MARCHF1: variants seen among roughly 807,000 people sequenced by gnomAD.
The protein encoded by MARCHF1 is membrane associated ring-CH-type finger 1.
Under a neutral mutation model 54.2 loss-of-function variants are expected in MARCHF1, and 40 were observed. That is an observed-to-expected ratio of 0.74 (90% CI 0.57 to 0.96). MARCHF1 has a LOEUF of 0.96. Ranked by LOEUF, MARCHF1 falls within the 40% of genes least tolerant of loss-of-function variation. MARCHF1 has a pLI of 0.00. For synonymous variants in MARCHF1, 236 were observed against 236.3 expected, an observed-to-expected ratio of 1.00 and a Z score of 0.01; for missense variants, 586 against 656.5, an observed-to-expected ratio of 0.89 and a Z score of 1.17.
intron 1 of MARCHF1, among the ~76,000 whole-genome samples, chr4:164,371,719 G>A (rs535522230): frequency 3.1e-4 from 47 of 152,230 alleles, no homozygotes; most frequent in Non-Finnish European, 5.6e-4. Context: ...TTGATAATAC[G>A]TTATACATTG....
intron 1 of MARCHF1, among the ~76,000 whole-genome samples, chr4:164,177,578 G>A (rs774400386): frequency 8.0e-4 from 121 of 151,920 alleles, no homozygotes; most frequent in Non-Finnish European, 1.3e-3. Context: ...TAACAAGGTA[G>A]GTTTTTTAAT....
intron 4 of MARCHF1, among the ~76,000 whole-genome samples, chr4:163,748,882 AAG>A (rs1390539186): frequency 1.3e-5 from 2 of 152,164 alleles, no homozygotes; most frequent in South Asian, 2.1e-4. Flanking sequence ...TCACCAAATA[AAG>A]AGAGATGCTC....
chr4:164,236,125 T>A (rs1732545519), intron 1 of MARCHF1, among the ~76,000 whole-genome samples: 1 of 152,090 alleles, frequency 6.6e-6, no homozygotes, highest in African/African-American at 2.4e-5. Context: ...CAAATCACAA[T>A]GAACAACAAA....
At chr4:163,589,080 A>AC (rs1053226973) in intron 7 of MARCHF1, among the ~76,000 whole-genome samples, 4 of 151,840 alleles carry the variant, frequency 2.6e-5, no homozygotes, top group South Asian at 2.1e-4. Flanking sequence ...GAAAAAAAAA[A>AC]AAAAAACTGC....
At chr4:164,057,629 A>G (rs1171958594) in intron 2 of MARCHF1, among the ~76,000 whole-genome samples, 3 of 152,182 alleles carry the variant, frequency 2.0e-5, no homozygotes, top group Admixed American at 6.5e-5. Context: ...TGAAGCAACT[A>G]TATTGGGTCA....
At chr4:164,237,856 T>A (rs1047699133) in intron 1 of MARCHF1, among the ~76,000 whole-genome samples, 5 of 151,934 alleles carry the variant, frequency 3.3e-5, no homozygotes. Flanking sequence ...TTAAAAAGAC[T>A]GGATACAACC....
chr4:163,839,963 T>C (rs1462693522), intron 4 of MARCHF1, among the ~76,000 whole-genome samples: 2 of 152,064 alleles, frequency 1.3e-5, no homozygotes, highest in African/African-American at 2.4e-5. Context: ...ACATGGATCA[T>C]ACCTAGCAAG....
chr4:164,123,464 T>C (rs147425675), intron 1 of MARCHF1, among the ~76,000 whole-genome samples: 142 of 152,278 alleles, frequency 9.3e-4, no homozygotes, highest in African/African-American at 3.2e-3. Context: ...AAAATTTATA[T>C]GGAACCATAA....
intron 4 of MARCHF1, among the ~76,000 whole-genome samples, chr4:163,796,017 G>A (rs960606141): frequency 5.3e-5 from 8 of 152,076 alleles, no homozygotes; most frequent in Non-Finnish European, 5.9e-5. Context: ...CATCATAAAC[G>A]TCTTTATCCT....
At chr4:163,872,230 T>C (rs1750184129) in intron 3 of MARCHF1, among the ~76,000 whole-genome samples, 1 of 152,228 alleles carries the variant, frequency 6.6e-6, no homozygotes, top group African/African-American at 2.4e-5. Flanking sequence ...TATCTGAGCA[T>C]GTGTGTCACC....
chr4:164,114,437 T>A (rs1755899299), intron 1 of MARCHF1, among the ~76,000 whole-genome samples: 1 of 151,798 alleles, frequency 6.6e-6, no homozygotes, highest in African/African-American at 2.4e-5. Flanking sequence ...CATTTACCCA[T>A]TAATAATTCA....
intron 1 of MARCHF1, among the ~76,000 whole-genome samples, chr4:164,144,486 G>A (rs1057371211): frequency 3.3e-5 from 5 of 151,788 alleles, no homozygotes; most frequent in African/African-American, 1.2e-4. Context: ...AGACCACAGT[G>A]CAATCAAACT....
intron 1 of MARCHF1, among the ~76,000 whole-genome samples, chr4:164,241,155 C>G (rs563995599): frequency 2.0e-5 from 3 of 152,034 alleles, no homozygotes; most frequent in East Asian, 3.9e-4. Context: ...GCCCTGTGAC[C>G]CCCTCACCCA....
chr4:163,742,093 G>A (rs188252720), intron 4 of MARCHF1, among the ~76,000 whole-genome samples: 2 of 152,028 alleles, frequency 1.3e-5, no homozygotes, highest in Non-Finnish European at 2.9e-5. Flanking sequence ...AGGCACATTG[G>A]GGGGTGTGTC....
intron 4 of MARCHF1, among the ~76,000 whole-genome samples, chr4:163,813,289 A>G (rs1238767926): frequency 1.3e-5 from 2 of 152,228 alleles, no homozygotes. Flanking sequence ...ACTCAAAAAT[A>G]TTGACTCAAC....
chr4:163,875,899 G>T (rs140418603), intron 3 of MARCHF1, among the ~76,000 whole-genome samples: 1,806 of 152,132 alleles, frequency 0.012, 30 homozygotes, highest in African/African-American at 0.038. Flanking sequence ...GTAATAAATT[G>T]ATACTTTTAA....
At chr4:164,117,390 T>G (rs1474212387) in intron 1 of MARCHF1, among the ~76,000 whole-genome samples, 1 of 152,100 alleles carries the variant, frequency 6.6e-6, no homozygotes, top group African/African-American at 2.4e-5. Context: ...GAAATACAAG[T>G]TACCTAGGAA....
intron 5 of MARCHF1, among the ~76,000 whole-genome samples, chr4:163,644,046 A>AT (rs55834593): frequency 0.34 from 51,327 of 151,834 alleles, 9,417 homozygotes; most frequent in Non-Finnish European, 0.42. Context: ...CCTCTTCAAA[A>AT]TTTTTTTTAA....
At chr4:163,807,048 T>C (rs774368601) in intron 4 of MARCHF1, among the ~76,000 whole-genome samples, 27 of 152,122 alleles carry the variant, frequency 1.8e-4, no homozygotes, top group Admixed American at 1.2e-3. Flanking sequence ...TAGCAGAAAC[T>C]TCAGTTTGTC....
Sources: allele counts gnomAD v4.1 joint callset (sites outside exome capture counted in the v4.1 genomes callset), GRCh38; gene constraint gnomAD v4.1.1; transcripts MANE v1.5; gene names NCBI Gene and HGNC (gene_info 2026-07-23, HGNC 2026-07-21).